The following ZNF239 variants were observed in gnomAD, a reference collection of about 807,000 sequenced individuals.
ZNF239 encodes zinc finger protein 239, also known as zinc finger protein (C2H2) homologous to mouse MOK-2.
ZNF239 carries 16 observed loss-of-function variants against 27.5 expected under a neutral mutation model. The observed-to-expected ratio is 0.58, with a 90% confidence interval of 0.39 to 0.88. The LOEUF (loss-of-function observed/expected upper bound fraction) is 0.88. ZNF239 is among the 40% of genes least tolerant of loss of function. ZNF239 has a pLI of 0.00. For missense variants in ZNF239, 527 were observed against 551.9 expected, an observed-to-expected ratio of 0.95 and a Z score of 0.45; for synonymous variants, 199 against 192.6, an observed-to-expected ratio of 1.03 and a Z score of -0.27.
chr10:43,559,390 G>C (rs960799535), intron 3 of ZNF239, among the ~76,000 whole-genome samples: 8 of 152,192 alleles, frequency 5.3e-5, no homozygotes, highest in African/African-American at 1.9e-4. Flanking sequence ...ATTCATTCTA[G>C]ATCATGTGAT....
intron 3 of ZNF239, among the ~76,000 whole-genome samples, chr10:43,567,094 C>T (rs1215089326): frequency 8.5e-6 from 1 of 117,166 alleles, no homozygotes; most frequent in African/African-American, 3.2e-5. Flanking sequence ...GAGGGAGACT[C>T]CGTCTCAAAA....
Position 43,556,708 on chromosome 10 carries a change from G to A in ZNF239, c.1372C>T (p.Arg458Cys), listed in dbSNP as rs113213479. 103 of 1,612,554 alleles carry A rather than the reference G, an allele frequency of 6.4e-5. No individual in the cohort carries two copies. Among genetic ancestry groups the A allele is most frequent in the African/African-American group, 1.6e-4 (12 of 75,016 alleles). The change falls in exon 4 of 4, where the codon CGC becomes TGC. Residue 458 changes from arginine to cysteine, a missense_variant. Coordinates refer to ENST00000374446, the MANE Select transcript of ZNF239 (RefSeq NM_001099282.2). ...IHQRVHKKDP[R>C] ...CCTGAATGGGCTAATGTCAGTTAGCGAGGATCTTTCTTGTGAACCCGCTGG... is the reference window on the plus strand; with the variant it reads ...CCTGAATGGGCTAATGTCAGTTAGCAAGGATCTTTCTTGTGAACCCGCTGG...
Position 43,556,628 on chromosome 10 carries a change from A to C in ZNF239, c.*75T>G. The C allele has an allele frequency of 1.3e-6, 2 of 1,510,234 alleles. No homozygotes were observed. The highest frequency in any genetic ancestry group is 2.6e-5 in the South Asian group (2 of 77,282). 93.6% of individuals were successfully genotyped at this position (1,510,234 alleles called of 1,614,324 possible). A position where few individuals can be genotyped will look rare whatever the true frequency, so the allele number is the denominator to read the frequency against. The stretch of plus-strand genomic sequence containing the variant: ...ACATCTCTCTCCTTTGTAGAATATA[A>C]AGTAAGAGTGATACTAAATATTTAA... On this transcript the variant is annotated 3_prime_UTR_variant, in exon 4 of 4. Coordinates refer to ENST00000374446, the MANE Select transcript of ZNF239 (RefSeq NM_001099282.2).
At chr10:43,564,533 A>AT (rs1199412999) in intron 3 of ZNF239, among the ~76,000 whole-genome samples, 2 of 151,912 alleles carry the variant, frequency 1.3e-5, no homozygotes, top group African/African-American at 4.8e-5. Flanking sequence ...GAAGAGAGAA[A>AT]TTTTTTTTAA....
In ZNF239 at chr10:43,557,938, T is replaced by A. The variant is rs952461561; in HGVS notation, c.142A>T (p.Met48Leu). The A allele has an allele frequency of 1.9e-6, 3 of 1,614,098 alleles. No homozygotes were observed. Among genetic ancestry groups the A allele is most frequent in the Admixed American group, 1.7e-5 (1 of 60,006 alleles). The change falls in exon 4 of 4, where the codon ATG becomes TTG. Residue 48 changes from methionine (M) to leucine (L), a missense_variant. Transcript: ENST00000374446. Reference protein sequence around the residue: ...SPISRNRDSVMTLQSGCFENI... With the variant: ...SPISRNRDSVLTLQSGCFENI... ...TCGAAACAACCACTTTGAAGAGTCA[T>A]CACACTGTCCCTGTTTCTGGAAATA... is the stretch of plus-strand genomic sequence containing the variant.
At chr10:43,563,440 C>T (rs985776026) in intron 3 of ZNF239, among the ~76,000 whole-genome samples, 2 of 152,126 alleles carry the variant, frequency 1.3e-5, no homozygotes, top group African/African-American at 4.8e-5. Context: ...ACACATACTG[C>T]ATAAAACAGC....
chr10:43,565,611 C>G (rs1837577596), intron 3 of ZNF239, among the ~76,000 whole-genome samples: 8 of 151,730 alleles, frequency 5.3e-5, no homozygotes, highest in Admixed American at 5.3e-4. Context: ...GCCAGGAGAT[C>G]AAGACCAGCC....
At chr10:43,571,824 T>C (rs1369887960) in intron 2 of ZNF239, among the ~76,000 whole-genome samples, 1 of 152,192 alleles carries the variant, frequency 6.6e-6, no homozygotes, top group African/African-American at 2.4e-5. Flanking sequence ...CCCAAAGTAC[T>C]GGGATTACAG....
chr10:43,572,983 G>A (rs1309016541), intron 2 of ZNF239, among the ~76,000 whole-genome samples: 1 of 152,032 alleles, frequency 6.6e-6, no homozygotes, highest in African/African-American at 2.4e-5. Context: ...TAAACCTTTG[G>A]ATGTACAAAG....
At chr10:43,573,230 G>A (rs962652873) in intron 2 of ZNF239, among the ~76,000 whole-genome samples, 1 of 152,128 alleles carries the variant, frequency 6.6e-6, no homozygotes, top group African/African-American at 2.4e-5. Flanking sequence ...AATATAATAT[G>A]TTCATCAAGA....
intron 3 of ZNF239, 65 bp downstream of exon 3, chr10:43,567,834 C>G (rs1837783014): frequency 1.1e-6 from 1 of 878,172 alleles, no homozygotes; most frequent in African/African-American, 1.8e-5. Flanking sequence ...CCTTTTGTGT[C>G]AAAAAGGAAG....
chr10:43,560,043 A>G (rs928275435), intron 3 of ZNF239, among the ~76,000 whole-genome samples: 60 of 152,350 alleles, frequency 3.9e-4, no homozygotes, highest in African/African-American at 1.4e-3. Context: ...TGATAAAGTA[A>G]GACATTTCCT....
At chr10:43,573,736 G>T in intron 1 of ZNF239, 59 bp from the exon 2 acceptor site, 1 of 870,162 alleles carries the variant, frequency 1.1e-6, no homozygotes, top group Non-Finnish European at 1.4e-6. Context: ...CAGCAAGACT[G>T]CGGGGAAAAA....
chr10:43,566,691 C>T (rs541519079), intron 3 of ZNF239, among the ~76,000 whole-genome samples: 31 of 152,272 alleles, frequency 2.0e-4, no homozygotes, highest in Admixed American at 5.2e-4. Context: ...AATTTAAGTT[C>T]TTCATGAACA....
intron 2 of ZNF239, chr10:43,568,484 T>C (rs750182958): frequency 2.0e-6 from 2 of 983,072 alleles, no homozygotes; most frequent in Non-Finnish European, 2.4e-6. Context: ...CCCTCTACTC[T>C]TAAAATATGA....
rs542572743 is a variant in ZNF239 at position 43,572,473 on chromosome 10, T to C, written c.-216+1164A>G. On this transcript the variant is annotated intron_variant, in intron 2 of 3. Coordinates refer to ENST00000374446, the MANE Select transcript of ZNF239 (RefSeq NM_001099282.2). ...TGGTAGTGTTAAAAAACATTTTTTT[T>C]CCCTTAAAACGCAGTCTGATATTTT... Among the ~76,000 whole-genome samples, 69 of 152,348 alleles carry C rather than the reference T, an allele frequency of 4.5e-4. No individual in the cohort carries two copies. In the Middle Eastern group the frequency reaches 0.01, roughly 23 times the overall value.
intron 3 of ZNF239, among the ~76,000 whole-genome samples, chr10:43,567,395 T>A (rs1228273891): frequency 6.6e-6 from 1 of 151,938 alleles, no homozygotes; most frequent in Non-Finnish European, 1.5e-5. Context: ...CAAGTGACCA[T>A]TACTGGGAAA....
intron 2 of ZNF239, among the ~76,000 whole-genome samples, 163 bp downstream of exon 2, chr10:43,573,474 C>T (rs1003969356): frequency 6.6e-6 from 1 of 152,156 alleles, no homozygotes. Context: ...CTGTGCAGAC[C>T]CTGGTGACAT....
chr10:43,573,678 C>T lies in ZNF239; in HGVS notation c.-256-1G>A, dbSNP rs1838176481. 3 of 985,320 alleles carry T rather than the reference C, an allele frequency of 3.0e-6. No individual in the cohort carries two copies. In the South Asian group the frequency reaches 1.4e-4, roughly 46 times the overall value. 61.0% of individuals were successfully genotyped at this position (985,320 alleles called of 1,614,324 possible). ...TCTTACTCCCAGAGGGGATGGATTCCTGGAAAGGCAGAGTTAGGGAAAGAG... is the reference window on the plus strand; with the variant it reads ...TCTTACTCCCAGAGGGGATGGATTCTTGGAAAGGCAGAGTTAGGGAAAGAG... On this transcript the variant is annotated splice_acceptor_variant, in intron 1 of 3. Transcript: ENST00000374446. LOFTEE classifies it low-confidence loss of function (5UTR_SPLICE).
Sources: allele counts gnomAD v4.1 joint callset (sites outside exome capture counted in the v4.1 genomes callset), GRCh38; gene constraint gnomAD v4.1.1; transcripts MANE v1.5; gene names NCBI Gene and HGNC (gene_info 2026-07-23, HGNC 2026-07-21).